GFRA1: variants seen among roughly 807,000 people sequenced by gnomAD.
GFRA1 encodes GDNF family receptor alpha-1.
Under a neutral mutation model 51.6 loss-of-function variants are expected in GFRA1, and 16 were observed. The ratio of observed to expected loss-of-function variants is 0.31; its 90% CI spans 0.21 to 0.47. GFRA1 has a LOEUF of 0.47. Ranked by LOEUF, GFRA1 falls within the 20% of genes least tolerant of loss-of-function variation. GFRA1 has a pLI of 1.00. For synonymous variants in GFRA1, 270 were observed against 241.3 expected, an observed-to-expected ratio of 1.12 and a Z score of -1.10; for missense variants, 530 against 594.3, an observed-to-expected ratio of 0.89 and a Z score of 1.13.
At chr10:116,112,639 T>C (rs1957257578) in intron 6 of GFRA1, among the ~76,000 whole-genome samples, 1 of 152,152 alleles carries the variant, frequency 6.6e-6, no homozygotes, top group African/African-American at 2.4e-5. Context: ...TGAAATCCTT[T>C]GGCATGCTAG....
chr10:116,234,611 T>C (rs1475279107), intron 4 of GFRA1, among the ~76,000 whole-genome samples: 1 of 152,220 alleles, frequency 6.6e-6, no homozygotes, highest in East Asian at 1.9e-4. Flanking sequence ...TTCTCTAGTA[T>C]ATGCGAACAT....
chr10:116,133,509 G>A (rs1017421085), intron 5 of GFRA1, among the ~76,000 whole-genome samples: 2 of 152,044 alleles, frequency 1.3e-5, no homozygotes, highest in Non-Finnish European at 2.9e-5. Context: ...TCATCTGAGC[G>A]TTTTCATACA....
intron 9 of GFRA1, among the ~76,000 whole-genome samples, chr10:116,073,300 C>T (rs1955482312): frequency 6.6e-6 from 1 of 152,172 alleles, no homozygotes; most frequent in African/African-American, 2.4e-5. Flanking sequence ...CCTGGCTGGG[C>T]TTACTTCTTC....
rs540430044 is a variant in GFRA1 at position 116,157,597 on chromosome 10, GAAGA to G, written c.434-32044_434-32041del. On this transcript the variant is annotated intron_variant, in intron 5 of 10. Coordinates refer to ENST00000355422, the MANE Select transcript of GFRA1 (RefSeq NM_005264.8). ...TCCAAGTAATTTCCTATTCATCCTT[GAAGA>G]AAGAAGCATCTCCTGCCTATCCTCA... Among the ~76,000 whole-genome samples the G allele has an allele frequency of 7.2e-5, 11 of 152,180 alleles. No homozygotes were observed. In the East Asian group the frequency reaches 1.9e-3, roughly 27 times the overall value.
chr10:116,088,980 TAGG>T (rs1766035066), intron 9 of GFRA1, among the ~76,000 whole-genome samples: 1 of 104,640 alleles, frequency 9.6e-6, no homozygotes, highest in Non-Finnish European at 1.9e-5. Context: ...AACATACAAA[TAGG>T]AGATGTCCTG....
At chr10:116,127,767 A>G (rs1957936980) in intron 5 of GFRA1, among the ~76,000 whole-genome samples, 2 of 152,142 alleles carry the variant, frequency 1.3e-5, no homozygotes, top group African/African-American at 4.8e-5. Context: ...GACTTCTAAC[A>G]TTTTGCTATT....
intron 4 of GFRA1, among the ~76,000 whole-genome samples, chr10:116,218,597 TTC>T (rs1396102295): frequency 6.6e-6 from 1 of 152,066 alleles, no homozygotes; most frequent in Admixed American, 6.6e-5. Context: ...GTGATTAGTT[TTC>T]TGTGTCTCCA....
chr10:116,207,894 G>A (rs542725219), intron 5 of GFRA1, among the ~76,000 whole-genome samples: 2 of 152,138 alleles, frequency 1.3e-5, no homozygotes, highest in East Asian at 2.0e-4. Context: ...CTTGAAGCAC[G>A]GCAGTTAGAG....
chr10:116,117,529 A>ATGGG (rs1957459007), intron 6 of GFRA1, among the ~76,000 whole-genome samples: 1 of 27,724 alleles, frequency 3.6e-5, no homozygotes, highest in Non-Finnish European at 6.5e-5. Flanking sequence ...GGCCAGATGG[A>ATGGG]TGGATGGGTG....
chr10:116,183,572 A>C (rs960589133), intron 5 of GFRA1, among the ~76,000 whole-genome samples: 5 of 152,226 alleles, frequency 3.3e-5, no homozygotes, highest in Admixed American at 1.3e-4. Context: ...ATGAAGACCA[A>C]GGCATGGCAC....
intron 6 of GFRA1, among the ~76,000 whole-genome samples, chr10:116,113,933 G>A (rs1957310763): frequency 6.6e-6 from 1 of 152,110 alleles, no homozygotes; most frequent in African/African-American, 2.4e-5. Context: ...CACCGTCACC[G>A]CCATCCACTC....
At position 116,196,776 on chromosome 10, in the gene GFRA1, G is replaced by A. The variant is rs1291497115; in HGVS notation, c.433+14855C>T. Among the ~76,000 whole-genome samples the A allele has an allele frequency of 7.1e-5, 7 of 98,736 alleles. No homozygotes were observed. In the East Asian group the frequency reaches 1.8e-3, roughly 25 times the overall value. 64.8% of individuals were successfully genotyped at this position (98,736 alleles called of 152,430 possible). Reference sequence around the variant, plus strand: ...TATTATATATTATATATATAATACTGTATATAATATAATATATAATACATA... The same window carrying A: ...TATTATATATTATATATATAATACTATATATAATATAATATATAATACATA... On this transcript the variant is annotated intron_variant, in intron 5 of 10. Transcript: ENST00000355422.
intron 8 of GFRA1, among the ~76,000 whole-genome samples, chr10:116,092,095 G>C (rs370195417): frequency 8.3e-5 from 3 of 36,152 alleles, no homozygotes; most frequent in Non-Finnish European, 1.6e-4. Context: ...ACATACATAC[G>C]TACACACACA....
At chr10:116,175,902 C>T (rs1961538643) in intron 5 of GFRA1, among the ~76,000 whole-genome samples, 1 of 152,026 alleles carries the variant, frequency 6.6e-6, no homozygotes, top group African/African-American at 2.4e-5. Flanking sequence ...AGCAGGCCCA[C>T]ATGTGAGGTG....
chr10:116,092,946 G>A (rs1189295347), intron 8 of GFRA1, among the ~76,000 whole-genome samples: 1 of 152,152 alleles, frequency 6.6e-6, no homozygotes, highest in East Asian at 1.9e-4. Flanking sequence ...TCCTGGCACC[G>A]TGCTTTTGGA....
intron 4 of GFRA1, among the ~76,000 whole-genome samples, chr10:116,249,678 T>C (rs1332667782): frequency 6.6e-6 from 1 of 152,194 alleles, no homozygotes; most frequent in African/African-American, 2.4e-5. Flanking sequence ...AAGCATCTTC[T>C]ACCTACCTAG....
chr10:116,267,910 A>T (rs922467641), intron 4 of GFRA1, among the ~76,000 whole-genome samples: 1 of 150,880 alleles, frequency 6.6e-6, no homozygotes, highest in Admixed American at 6.7e-5. Context: ...TCGTATCCTT[A>T]TATCTTATGC....
intron 4 of GFRA1, among the ~76,000 whole-genome samples, chr10:116,254,469 G>A (rs966473472): frequency 2.0e-5 from 3 of 151,166 alleles, no homozygotes; most frequent in African/African-American, 4.9e-5. Flanking sequence ...ACAGAAGTTC[G>A]AGACCATCCT....
intron 4 of GFRA1, among the ~76,000 whole-genome samples, chr10:116,263,319 T>G (rs1013470995): frequency 6.6e-6 from 1 of 152,134 alleles, no homozygotes; most frequent in Non-Finnish European, 1.5e-5. Flanking sequence ...GACTGAGATT[T>G]ATTGAGGACC....
Sources: allele counts gnomAD v4.1 joint callset (sites outside exome capture counted in the v4.1 genomes callset), GRCh38; gene constraint gnomAD v4.1.1; transcripts MANE v1.5; gene names NCBI Gene and HGNC (gene_info 2026-07-23, HGNC 2026-07-21).